Variants in TPR observed in about 807,000 individuals in gnomAD.
TPR encodes translocated promoter region, nuclear basket protein.
Under a neutral mutation model 316.1 loss-of-function variants are expected in TPR, and 51 were observed. The ratio of observed to expected loss-of-function variants is 0.16; its 90% CI spans 0.13 to 0.20. The LOEUF is 0.20. Ranked by LOEUF, TPR falls within the 10% of genes least tolerant of loss-of-function variation. TPR has a pLI of 1.00. For synonymous variants in TPR, 981 were observed against 914.7 expected (o/e 1.07, Z -1.31); for missense variants, 2,272 against 2,754.8 (o/e 0.82, Z 3.92).
chr1:186,331,773 A>T (rs1277526739), intron 38 of TPR, among the ~76,000 whole-genome samples, 192 bp from the exon 39 acceptor site: 1 of 152,154 alleles, frequency 6.6e-6, no homozygotes, highest in African/African-American at 2.4e-5. Flanking sequence ...GTTTATGAAC[A>T]TTAATACATG....
At chr1:186,344,815 A>C (rs1329220817) in intron 24 of TPR, among the ~76,000 whole-genome samples, 9 of 152,232 alleles carry the variant, frequency 5.9e-5, no homozygotes, top group Admixed American at 3.3e-4. Context: ...AAGAAGCTAA[A>C]CATAACTCAG....
chr1:186,354,913 ATTTTT>A (rs1658976734), intron 17 of TPR, among the ~76,000 whole-genome samples: 2 of 132,974 alleles, frequency 1.5e-5, no homozygotes, highest in Admixed American at 8.0e-5. Flanking sequence ...ATTTTATTTT[ATTTTT>A]TTGAGACAGA....
rs779123254 is a variant in TPR at position 186,357,666 on chromosome 1, C to G, written c.1498-43G>C. ...ATATGTTATAAAATAGTATTAGTTA[C>G]AATTCTGGACAAGTTTAGAATGAAA... On this transcript the variant is annotated intron_variant, in intron 13 of 50. Transcript: ENST00000367478. The G allele has an allele frequency of 1.0e-5, 16 of 1,525,718 alleles. No homozygotes were observed. In the Admixed American group the frequency reaches 3.0e-4, roughly 29 times the overall value. 94.5% of individuals were successfully genotyped at this position (1,525,718 alleles called of 1,614,324 possible).
chr1:186,331,472 G>A lies in TPR; in HGVS notation c.5688+26C>T, dbSNP rs777846864. On this transcript the variant is annotated intron_variant, in intron 39 of 50. Transcript: ENST00000367478. ...TTTCATTCACGAAAAGCAACGGTGTGGTACTTTAGGTATGTTTTTACTTAC... is the reference window on the plus strand; with the variant it reads ...TTTCATTCACGAAAAGCAACGGTGTAGTACTTTAGGTATGTTTTTACTTAC... 28 of 1,526,938 alleles carry A rather than the reference G, an allele frequency of 1.8e-5. 2 individuals are homozygous for A. The African/African-American group carries it at 2.5e-4, about 14-fold the overall frequency. The allele number at this position is 1,526,938 out of a possible 1,614,324, so 94.6% of individuals were successfully genotyped here.
chr1:186,362,827 A>G lies in TPR; in HGVS notation c.696+10T>C. 6.3e-7 allele frequency: 1 copy of G among 1,575,168 alleles called. No individual in the cohort carries two copies. Among genetic ancestry groups the G allele is most frequent in the Non-Finnish European group, 8.6e-7 (1 of 1,167,070 alleles). On this transcript the variant is annotated intron_variant, in intron 6 of 50. Coordinates refer to ENST00000367478, the MANE Select transcript of TPR (RefSeq NM_003292.3). ...TCAACATGAAGAAAAACACAATTTT[A>G]CTAACTTACCTCTTCTTTTTTATTT...
chr1:186,365,102 C>CT (rs61369492), intron 4 of TPR, among the ~76,000 whole-genome samples: 7,115 of 137,160 alleles, frequency 0.052, 611 homozygotes, highest in African/African-American at 0.17. Context: ...AGGGGCTGCC[C>CT]TTTTTTTTTT....
intron 3 of TPR, among the ~76,000 whole-genome samples, chr1:186,369,484 C>A (rs1057322262): frequency 1.3e-5 from 2 of 151,610 alleles, no homozygotes; most frequent in African/African-American, 4.8e-5. Flanking sequence ...AAATTTATTC[C>A]TAAGTTGTTT....
At position 186,327,548 on chromosome 1, in the gene TPR, T is replaced by G. The variant is rs1412952115; in HGVS notation, c.5801A>C (p.Gln1934Pro). The G allele has an allele frequency of 1.2e-6, 2 of 1,612,240 alleles. No homozygotes were observed. The highest frequency in any genetic ancestry group is 2.7e-5 in the African/African-American group (2 of 74,516). ...ATCATCTCCTTTGCCTTGACCATCCTGGGATGAAGTTGTCGTCTGCTGATC... is the reference window on the plus strand; with the variant it reads ...ATCATCTCCTTTGCCTTGACCATCCGGGGATGAAGTTGTCGTCTGCTGATC... ...QSDQQTTTSS[Q>P]DGQGKGDDVI... The change falls in exon 40 of 51, where the codon CAG becomes CCG. Residue 1934 changes from glutamine to proline, a missense_variant. Physicochemically the swap from Gln to Pro is moderately conservative, Grantham distance 76 (BLOSUM62 -1). Around this residue, in one of 10 missense-constraint regions of TPR, gnomAD observed 435 missense variants for 461.1 expected, o/e 0.94. Coordinates refer to ENST00000367478, the MANE Select transcript of TPR (RefSeq NM_003292.3).
chr1:186,338,280 A>G, intron 30 of TPR, 37 bp from the exon 31 acceptor site: 1 of 1,529,788 alleles, frequency 6.5e-7, no homozygotes. Flanking sequence ...GATTAAATAT[A>G]TGAGACATTT....
rs1345404035 is a variant in TPR at position 186,326,250 on chromosome 1, C to T, written c.5890-15G>A. The T allele has an allele frequency of 6.3e-7, 1 of 1,595,788 alleles. No homozygotes were observed. Among genetic ancestry groups the T allele is most frequent in the Non-Finnish European group, 8.5e-7 (1 of 1,171,042 alleles). ...TCTTCATAATCCTAGTAGAAAGTTC[C>T]CCAGGCATAAATAAAAGTTTAGAAT... is the stretch of plus-strand genomic sequence containing the variant. On this transcript the variant is annotated splice_polypyrimidine_tract_variant and intron_variant, in intron 40 of 50. Coordinates refer to ENST00000367478, the MANE Select transcript of TPR (RefSeq NM_003292.3).
chr1:186,359,801 T>C lies in TPR; in HGVS notation c.1387A>G (p.Lys463Glu). Residue 463 changes from lysine to glutamate, a missense_variant and splice_region_variant, in exon 12 of 51, where the codon AAG becomes GAG. Transcript: ENST00000367478. ...SLSVKLEQAM[K>E]EIQRLQEDTD... ...TAAATTTTAGGAATGGAACCAACCT[T>C]CATAGCTTGTTCAAGCTTAACAGAT... is the stretch of plus-strand genomic sequence containing the variant. The C allele has an allele frequency of 6.3e-7, 1 of 1,581,212 alleles. No homozygotes were observed. Among genetic ancestry groups the C allele is most frequent in the Non-Finnish European group, 8.5e-7 (1 of 1,171,090 alleles).
chr1:186,318,963 A>G (rs897082069), intron 46 of TPR, 135 bp from the exon 47 acceptor site: 23 of 823,034 alleles, frequency 2.8e-5, no homozygotes, highest in Non-Finnish European at 3.9e-5. Context: ...TTATTCCATC[A>G]AGCAAAAATC....
chr1:186,348,464 T>C (rs945011259), intron 21 of TPR, among the ~76,000 whole-genome samples: 6 of 152,074 alleles, frequency 3.9e-5, no homozygotes, highest in African/African-American at 1.5e-4. Context: ...ACACAGACCC[T>C]TATCAGTGGT....
intron 3 of TPR, among the ~76,000 whole-genome samples, chr1:186,369,893 A>C (rs1486420592): frequency 6.6e-6 from 1 of 151,316 alleles, no homozygotes; most frequent in Non-Finnish European, 1.5e-5. Flanking sequence ...TTTTTAAGTC[A>C]CTTCATAGTT....
intron 4 of TPR, among the ~76,000 whole-genome samples, chr1:186,363,894 G>A (rs963302279): frequency 5.3e-5 from 8 of 151,924 alleles, no homozygotes; most frequent in Admixed American, 3.9e-4. Flanking sequence ...ATATAAATAT[G>A]CTTTATTAAA....
At chr1:186,349,662 A>ATCTC in intron 21 of TPR, among the ~76,000 whole-genome samples, 1 of 148,174 alleles carries the variant, frequency 6.7e-6, no homozygotes, top group South Asian at 2.1e-4. Flanking sequence ...TCTCTCTCAA[A>ATCTC]AAAAAAAAAA....
intron 9 of TPR, among the ~76,000 whole-genome samples, chr1:186,361,371 A>C (rs1259954249): frequency 6.6e-6 from 1 of 152,006 alleles, no homozygotes; most frequent in Non-Finnish European, 1.5e-5. Context: ...ATTAGAAATC[A>C]GCAAATTATA....
At chr1:186,336,804 T>C (rs1446717703) in intron 32 of TPR, 110 bp from the exon 33 acceptor site, 53 of 1,350,822 alleles carry the variant, frequency 3.9e-5, no homozygotes, top group Non-Finnish European at 5.0e-5. Flanking sequence ...AAAGATTAAA[T>C]GGAAGTATAA....
At chr1:186,370,175 T>A (rs1005456610) in intron 3 of TPR, among the ~76,000 whole-genome samples, 8 of 152,172 alleles carry the variant, frequency 5.3e-5, no homozygotes. Flanking sequence ...TTCCTTTTTT[T>A]AGAAGCATCC....
Sources: gnomAD v4.1 joint callset for allele counts (sites outside exome capture counted in the v4.1 genomes callset) on GRCh38, gnomAD v4.1.1 for gene constraint, gnomAD v4.1.1 regional missense constraint, MANE v1.5 for transcripts, NCBI Gene and HGNC (gene_info 2026-07-23, HGNC 2026-07-21) for gene names.